TRABD2B: variants seen among roughly 807,000 people sequenced by gnomAD.
TRABD2B encodes the protein metalloprotease TIKI2.
Under a neutral mutation model 40.1 loss-of-function variants are expected in TRABD2B, and 14 were observed. The ratio of observed to expected loss-of-function variants is 0.35; its 90% confidence interval spans 0.23 to 0.55. The LOEUF is 0.55. TRABD2B is among the 20% of genes least tolerant of loss of function. TRABD2B has a pLI of 0.90. For missense variants in TRABD2B, 541 were observed against 648.6 expected (o/e 0.83, Z 1.80); for synonymous variants, 263 against 277.0 (o/e 0.95, Z 0.50).
At chr1:47,871,805 C>A (rs919238443) in intron 2 of TRABD2B, among the ~76,000 whole-genome samples, 2 of 152,200 alleles carry the variant, frequency 1.3e-5, no homozygotes, top group Admixed American at 6.5e-5. Context: ...TCCTCCTGGC[C>A]CCCCCAGGAA....
At chr1:47,890,097 T>A (rs1341732320) in intron 2 of TRABD2B, among the ~76,000 whole-genome samples, 1 of 152,224 alleles carries the variant, frequency 6.6e-6, no homozygotes, top group African/African-American at 2.4e-5. Context: ...AAAGCAAGCA[T>A]GGATGTCACT....
At chr1:47,901,410 A>T (rs528699263) in intron 2 of TRABD2B, among the ~76,000 whole-genome samples, 57 of 152,326 alleles carry the variant, frequency 3.7e-4, no homozygotes, top group Middle Eastern at 6.8e-3. Context: ...GTGGGACCAC[A>T]GGGAAGCTCT....
In TRABD2B at chr1:47,870,942, A is replaced by G. The variant is rs770806795; in HGVS notation, c.667-69323T>C. ...GAAGAATGTGGAGGCACTGAATTTTATAAAGCATCAGGACTGCAGGGAGAC... is the reference window on the plus strand; with the variant it reads ...GAAGAATGTGGAGGCACTGAATTTTGTAAAGCATCAGGACTGCAGGGAGAC... On this transcript the variant is annotated intron_variant, in intron 2 of 6. Transcript: ENST00000606738. 6.2e-4 allele frequency among the ~76,000 whole-genome samples: 94 copies of G among 152,218 alleles called. 1 individual carries two copies. Among genetic ancestry groups the G allele is most frequent in the Non-Finnish European group, 1.3e-3 (86 of 68,028 alleles).
intron 2 of TRABD2B, among the ~76,000 whole-genome samples, chr1:47,873,374 T>C (rs570070689): frequency 6.6e-6 from 1 of 152,308 alleles, no homozygotes; most frequent in South Asian, 2.1e-4. Context: ...ACAATGTTGA[T>C]GTCAGGTAGT....
At chr1:47,794,781 C>T in intron 3 of TRABD2B, 21 bp from the exon 4 acceptor site, 2 of 1,345,838 alleles carry the variant, frequency 1.5e-6, no homozygotes, top group Non-Finnish European at 2.0e-6. Flanking sequence ...AAGACAGAGG[C>T]TGCCTTCAGT....
At chr1:47,803,209 G>A (rs1378585153) in intron 2 of TRABD2B, among the ~76,000 whole-genome samples, 1 of 152,234 alleles carries the variant, frequency 6.6e-6, no homozygotes, top group Non-Finnish European at 1.5e-5. Context: ...CTCCATGGGT[G>A]GCAGACTGAT....
rs1487181531 is a variant in TRABD2B, at chr1:47,766,041, G to T, written c.1415C>A (p.Pro472His). 7.2e-6 allele frequency: 5 copies of T among 696,084 alleles called. No homozygotes were observed. Among genetic ancestry groups the T allele is most frequent in the Admixed American group, 2.0e-5 (1 of 49,596 alleles). The allele number at this position is 696,084 out of a possible 1,614,324, so 43.1% of individuals were successfully genotyped here. A position where few individuals can be genotyped will look rare whatever the true frequency, so the allele number is the denominator to read the frequency against. ...PTHSSGTAKP[P>H]FQLSDQLQQQ... Reference sequence around the variant, plus strand: ...TTGTAGCTGGTCTGAAAGCTGGAAGGGGGGCTTGGCGGTCCCCGAGCTGTG... The same window carrying T: ...TTGTAGCTGGTCTGAAAGCTGGAAGTGGGGCTTGGCGGTCCCCGAGCTGTG... Residue 472 changes from proline to histidine, a missense_variant, in exon 7 of 7, where the codon CCC becomes CAC. Transcript: ENST00000606738.
At chr1:47,843,861 TG>T (rs1331166962) in intron 2 of TRABD2B, among the ~76,000 whole-genome samples, 1 of 152,002 alleles carries the variant, frequency 6.6e-6, no homozygotes, top group Non-Finnish European at 1.5e-5. Context: ...AAACCAAACA[TG>T]GGGTAGTTTA....
At chr1:47,821,990 C>T (rs1488424275) in intron 2 of TRABD2B, among the ~76,000 whole-genome samples, 4 of 152,146 alleles carry the variant, frequency 2.6e-5, no homozygotes, top group Admixed American at 6.5e-5. Context: ...TGTGTTCTCT[C>T]GTAGACATTC....
intron 2 of TRABD2B, among the ~76,000 whole-genome samples, chr1:47,846,033 G>A (rs1645464201): frequency 6.6e-6 from 1 of 152,162 alleles, no homozygotes; most frequent in South Asian, 2.1e-4. Flanking sequence ...TGCAAAGGGG[G>A]TCTGCGTGAG....
intron 2 of TRABD2B, among the ~76,000 whole-genome samples, chr1:47,815,806 T>TAGAC (rs1220671191): frequency 2.7e-5 from 1 of 37,358 alleles, no homozygotes; most frequent in Non-Finnish European, 9.4e-5. Context: ...CAGAGATAGA[T>TAGAC]AGATAGATAG....
intron 2 of TRABD2B, among the ~76,000 whole-genome samples, chr1:47,953,007 C>A (rs987376966): frequency 2.6e-5 from 4 of 152,208 alleles, no homozygotes; most frequent in African/African-American, 9.7e-5. Flanking sequence ...GCATCTCTGG[C>A]CCCAGGTTCT....
chr1:47,991,485 T>C (rs1339645772), intron 2 of TRABD2B, among the ~76,000 whole-genome samples: 1 of 152,148 alleles, frequency 6.6e-6, no homozygotes, highest in Non-Finnish European at 1.5e-5. Flanking sequence ...TCAGTTTATT[T>C]TGAAATCAAA....
intron 2 of TRABD2B, among the ~76,000 whole-genome samples, chr1:47,940,011 T>C (rs1645164532): frequency 6.6e-6 from 1 of 152,188 alleles, no homozygotes. Flanking sequence ...CCCTTCACGA[T>C]CTGGCTCCAA....
chr1:47,892,722 A>C (rs1644465079), intron 2 of TRABD2B, among the ~76,000 whole-genome samples: 1 of 152,144 alleles, frequency 6.6e-6, no homozygotes, highest in Admixed American at 6.5e-5. Flanking sequence ...ACTGAAAATG[A>C]CCCTAGGATT....
At chr1:47,954,760 T>G (rs916842268) in intron 2 of TRABD2B, among the ~76,000 whole-genome samples, 1 of 152,116 alleles carries the variant, frequency 6.6e-6, no homozygotes, top group African/African-American at 2.4e-5. Context: ...CAGCAGGAAG[T>G]TGCACTCTTT....
intron 2 of TRABD2B, among the ~76,000 whole-genome samples, chr1:47,839,265 T>G (rs1024875598): frequency 6.6e-6 from 1 of 151,968 alleles, no homozygotes; most frequent in East Asian, 1.9e-4. Flanking sequence ...CACACACCCG[T>G]GAGCAAGCAG....
rs75323670 is a variant in TRABD2B at position 47,846,048 on chromosome 1, C to G, written c.667-44429G>C. Among the ~76,000 whole-genome samples, 700 of 152,216 alleles carry G rather than the reference C, an allele frequency of 4.6e-3. 8 individuals carry two copies. In the East Asian group the frequency reaches 0.07, roughly 15 times the overall value. ...TGCAAAGGGGGTCTGCGTGAGTAGCCAGGCTTAAGGACTTCCCATACCTGG... is the reference window on the plus strand; with the variant it reads ...TGCAAAGGGGGTCTGCGTGAGTAGCGAGGCTTAAGGACTTCCCATACCTGG... On this transcript the variant is annotated intron_variant, in intron 2 of 6. Transcript: ENST00000606738.
chr1:47,928,959 A>C (rs911931287), intron 2 of TRABD2B, among the ~76,000 whole-genome samples: 1 of 152,144 alleles, frequency 6.6e-6, no homozygotes, highest in Non-Finnish European at 1.5e-5. Context: ...AAGACTATCT[A>C]CCTCTCAGCC....
Sources: gnomAD v4.1 joint callset for allele counts (sites outside exome capture counted in the v4.1 genomes callset) on GRCh38, gnomAD v4.1.1 for gene constraint, MANE v1.5 for transcripts, NCBI Gene and HGNC (gene_info 2026-07-23, HGNC 2026-07-21) for gene names.